The following MGAT4C variants were observed in gnomAD, a reference collection of about 807,000 sequenced individuals.
The protein encoded by MGAT4C is MGAT4 family member C, also known as alpha-1,3-mannosyl-glycoprotein 4-beta-N-acetylglucosaminyltransferase C.
In MGAT4C, 19 loss-of-function variants were observed where a neutral mutation model predicts 40.1. The observed-to-expected ratio is 0.47, with a 90% CI of 0.33 to 0.70. MGAT4C has a LOEUF of 0.70. Among genes scored for constraint, MGAT4C ranks in the 30% least tolerant of loss-of-function variants. The pLI, the probability that MGAT4C is intolerant of heterozygous loss-of-function variation, is 0.02. For synonymous variants in MGAT4C, 181 were observed against 187.1 expected (o/e 0.97, Z 0.27); for missense variants, 491 against 563.2 (o/e 0.87, Z 1.30).
At chr12:86,200,066 C>A (rs978018536) in intron 1 of MGAT4C, among the ~76,000 whole-genome samples, 1 of 151,470 alleles carries the variant, frequency 6.6e-6, no homozygotes, top group African/African-American at 2.4e-5. Context: ...TATTTCTATT[C>A]CCATAAATAA....
At chr12:86,075,452 C>T (rs1869503814) in intron 1 of MGAT4C, among the ~76,000 whole-genome samples, 1 of 152,156 alleles carries the variant, frequency 6.6e-6, no homozygotes, top group African/African-American at 2.4e-5. Context: ...TTTGCAGGCA[C>T]ATGGATCAAG....
intron 1 of MGAT4C, among the ~76,000 whole-genome samples, chr12:86,050,302 T>A (rs1270001714): frequency 6.6e-6 from 1 of 152,032 alleles, no homozygotes; most frequent in Non-Finnish European, 1.5e-5. Context: ...TGCCAGACTG[T>A]GTTAACAAGG....
At chr12:86,065,394 G>A (rs928845670) in intron 1 of MGAT4C, among the ~76,000 whole-genome samples, 8 of 152,166 alleles carry the variant, frequency 5.3e-5, no homozygotes, top group Admixed American at 1.3e-4. Context: ...GGGATGCAAG[G>A]CTGGTTCAAC....
chr12:86,171,262 G>C (rs1886806437), intron 1 of MGAT4C, among the ~76,000 whole-genome samples: 1 of 152,118 alleles, frequency 6.6e-6, no homozygotes, highest in African/African-American at 2.4e-5. Context: ...CCAGCTACTT[G>C]GGAGGCTGAG....
intron 3 of MGAT4C, among the ~76,000 whole-genome samples, chr12:86,389,506 T>C (rs1409647014): frequency 2.6e-5 from 4 of 152,192 alleles, no homozygotes; most frequent in Admixed American, 2.0e-4. Flanking sequence ...AGTGAACATA[T>C]GTGTGCATGA....
At chr12:86,678,337 G>A (rs1429613139) in intron 2 of MGAT4C, among the ~76,000 whole-genome samples, 1 of 151,730 alleles carries the variant, frequency 6.6e-6, no homozygotes, top group Non-Finnish European at 1.5e-5. Context: ...CTTTTGATTT[G>A]TCATTTCTAC....
At chr12:86,053,066 G>A (rs1012906994) in intron 1 of MGAT4C, among the ~76,000 whole-genome samples, 2 of 151,850 alleles carry the variant, frequency 1.3e-5, no homozygotes, top group African/African-American at 4.8e-5. Context: ...AAGATCTTTG[G>A]GGAAGTACGA....
chr12:86,815,176 G>T (rs1952575027), intron 1 of MGAT4C, among the ~76,000 whole-genome samples: 1 of 151,976 alleles, frequency 6.6e-6, no homozygotes, highest in Admixed American at 6.6e-5. Flanking sequence ...CCATCAAAAA[G>T]TGTGCTAAAG....
chr12:86,637,717 C>A (rs970138670), intron 2 of MGAT4C, among the ~76,000 whole-genome samples: 2 of 151,810 alleles, frequency 1.3e-5, no homozygotes, highest in African/African-American at 4.8e-5. Context: ...TTTTAAATCT[C>A]ATTTTTCCCA....
chr12:86,401,156 GA>G (rs1956353068), intron 3 of MGAT4C, among the ~76,000 whole-genome samples: 1 of 151,398 alleles, frequency 6.6e-6, no homozygotes, highest in African/African-American at 2.4e-5. Context: ...TGAACTCATG[GA>G]TTTTTTTTTA....
intron 2 of MGAT4C, among the ~76,000 whole-genome samples, chr12:86,474,378 G>T (rs1391523981): frequency 8.3e-6 from 1 of 120,484 alleles, no homozygotes; most frequent in African/African-American, 3.1e-5. Flanking sequence ...TGTGGGGTGG[G>T]GGGAGGGGGG....
chr12:86,177,801 C>A (rs919432536), intron 1 of MGAT4C, among the ~76,000 whole-genome samples: 1 of 152,018 alleles, frequency 6.6e-6, no homozygotes, highest in African/African-American at 2.4e-5. Flanking sequence ...CTTTACATTT[C>A]ATGATTATAA....
At chr12:86,700,517 A>T (rs1250706416) in intron 2 of MGAT4C, among the ~76,000 whole-genome samples, 1 of 152,124 alleles carries the variant, frequency 6.6e-6, no homozygotes, top group Non-Finnish European at 1.5e-5. Context: ...TCTCAAAGGA[A>T]ATAGTGGATA....
chr12:86,760,915 A>G (rs1276850918), intron 1 of MGAT4C, among the ~76,000 whole-genome samples: 1 of 152,200 alleles, frequency 6.6e-6, no homozygotes, highest in East Asian at 1.9e-4. Context: ...CTGATAACAT[A>G]TCAGTGATCA....
chr12:86,080,208 T>G (rs1870569716), intron 1 of MGAT4C, among the ~76,000 whole-genome samples: 1 of 152,162 alleles, frequency 6.6e-6, no homozygotes, highest in Non-Finnish European at 1.5e-5. Flanking sequence ...TTGTATCTAT[T>G]AATAAACATT....
chr12:85,985,955 G>A (rs933941233), intron 3 of MGAT4C, among the ~76,000 whole-genome samples: 1 of 152,116 alleles, frequency 6.6e-6, no homozygotes, highest in African/African-American at 2.4e-5. Flanking sequence ...ACATTCTAAG[G>A]TAAGTGCAGG....
chr12:86,664,324 C>A (rs1275036684), intron 2 of MGAT4C, among the ~76,000 whole-genome samples: 1 of 151,906 alleles, frequency 6.6e-6, no homozygotes, highest in Non-Finnish European at 1.5e-5. Flanking sequence ...TTCCCCTTTG[C>A]AGGATTCCTT....
intron 1 of MGAT4C, among the ~76,000 whole-genome samples, chr12:86,799,059 T>C (rs1349560462): frequency 2.0e-5 from 3 of 152,002 alleles, no homozygotes; most frequent in East Asian, 3.9e-4. Context: ...AAGTCTGTTA[T>C]ATATTAAGGT....
chr12:86,592,225 A>C (rs1961356708), intron 2 of MGAT4C, among the ~76,000 whole-genome samples: 1 of 152,064 alleles, frequency 6.6e-6, no homozygotes, highest in Non-Finnish European at 1.5e-5. Context: ...ACAACATAGA[A>C]GATATCATTA....
Sources: allele counts gnomAD v4.1 joint callset (sites outside exome capture counted in the v4.1 genomes callset), GRCh38; gene constraint gnomAD v4.1.1; transcripts MANE v1.5; gene names NCBI Gene and HGNC (gene_info 2026-07-23, HGNC 2026-07-21).